TFAP4: variants seen among roughly 807,000 people sequenced by gnomAD.
TFAP4 encodes transcription factor AP-4.
A neutral mutation model predicts 40.4 loss-of-function variants in TFAP4; 7 were observed. That is an observed-to-expected ratio of 0.17 (90% CI 0.10 to 0.33). The LOEUF (loss-of-function observed/expected upper bound fraction) is 0.33, where lower values mean the gene tolerates loss of function less well. Among genes scored for constraint, TFAP4 ranks in the 10% least tolerant of loss-of-function variants. The probability of loss-of-function intolerance (pLI) is 1.00; values close to 1 mark genes in which losing one functional copy is unlikely to be tolerated. For synonymous variants in TFAP4, 218 were observed against 181.4 expected (o/e 1.20, Z -1.62); for missense variants, 374 against 451.1 (o/e 0.83, Z 1.55).
rs149455776 is a variant in TFAP4 at position 4,271,501 on chromosome 16, A to G, written c.89+1157T>C. On this transcript the variant is annotated intron_variant, in intron 1 of 6. Transcript: ENST00000204517. ...TTCAAAATGCAGATGTCCGGGCCCC[A>G]GCGATCAGAGTTCCAGGCATGTGCA... is the stretch of plus-strand genomic sequence containing the variant. 1.7e-4 allele frequency among the ~76,000 whole-genome samples: 26 copies of G among 152,340 alleles called. No homozygotes were observed. The East Asian group carries it at 5.0e-3, about 29-fold the overall frequency.
chr16:4,260,378 G>A, intron 5 of TFAP4, 77 bp downstream of exon 5: 1 of 1,514,618 alleles, frequency 6.6e-7, no homozygotes, highest in Non-Finnish European at 8.8e-7. Flanking sequence ...CGTGGCCTAG[G>A]GAGAGGCTTC....
chr16:4,262,723 G>C, intron 1 of TFAP4, 22 bp from the exon 2 acceptor site: 1 of 1,603,468 alleles, frequency 6.2e-7, no homozygotes, highest in African/African-American at 1.3e-5. Flanking sequence ...GACAGGGACA[G>C]GCTCGGCCAA....
chr16:4,258,366 C>G (rs1289885795), intron 6 of TFAP4, 117 bp from the exon 7 acceptor site: 1 of 1,057,350 alleles, frequency 9.5e-7, no homozygotes, highest in Non-Finnish European at 1.4e-6. Context: ...AGAAAAAAGC[C>G]TGGCAAAGCA....
chr16:4,258,429 T>C (rs2052917100), intron 6 of TFAP4, 180 bp from the exon 7 acceptor site: 1 of 579,898 alleles, frequency 1.7e-6, no homozygotes, highest in Admixed American at 3.4e-5. Context: ...TACTTTTTTT[T>C]TGGAGACAAG....
At chr16:4,270,436 G>A (rs949470220) in intron 1 of TFAP4, among the ~76,000 whole-genome samples, 3 of 152,184 alleles carry the variant, frequency 2.0e-5, no homozygotes, top group Admixed American at 6.6e-5. Context: ...AGAAGCAAAT[G>A]CATCTGGCCA....
rs766852828 is a variant in TFAP4 at position 4,258,106 on chromosome 16, G to T, written c.966C>A (p.Asp322Glu). ...TASDSEASDSDAMDQSREEPS... is the reference protein window; with the variant it reads ...TASDSEASDSEAMDQSREEPS... Reference sequence around the variant, plus strand: ...GCTCCTCCCGGCTCTGGTCCATGGCGTCACTGTCTGAGGCCTCGGAGTCGG... The same window carrying T: ...GCTCCTCCCGGCTCTGGTCCATGGCTTCACTGTCTGAGGCCTCGGAGTCGG... Residue 322 changes from aspartate (D) to glutamate (E), a missense_variant, in exon 7 of 7, where the codon GAC becomes GAA. Asp to Glu is a conservative substitution (Grantham distance 45). Transcript: ENST00000204517. 1 of 1,613,656 alleles carries T rather than the reference G, an allele frequency of 6.2e-7. No homozygotes were observed. The highest frequency in any genetic ancestry group is 8.5e-7 in the Non-Finnish European group (1 of 1,179,896).
intron 1 of TFAP4, among the ~76,000 whole-genome samples, chr16:4,271,994 A>G (rs2053044101): frequency 6.6e-6 from 1 of 151,864 alleles, no homozygotes; most frequent in Non-Finnish European, 1.5e-5. Context: ...CCTCGCTAGT[A>G]AACAGCGCCC....
chr16:4,262,618 C>T lies in TFAP4; in HGVS notation c.173G>A (p.Arg58Gln), dbSNP rs755945532. 6.2e-7 allele frequency: 1 copy of T among 1,611,906 alleles called. No homozygotes were observed. The change falls in exon 2 of 7, where the codon CGG (arginine) becomes CAG (glutamine). Residue 58 changes from arginine to glutamine, a missense_variant. This residue lies in a region of TFAP4 where 9 missense variants were observed against 38.6 expected (regional missense o/e 0.23). Transcript: ENST00000204517. ...IRREIANSNE[R>Q]RRMQSINAGF... ...CGCGTTGATGCTCTGCATGCGTCTC[C>T]GCTCGTTGCTGTTGGCGATCTCCCG...
At position 4,260,614 on chromosome 16, in the gene TFAP4, G is replaced by A. The variant is rs2052939136; in HGVS notation, c.526-19C>T. ...AGCGCACCTGGAGGCAGGACAACCT[G>A]GGCTCAGGGCCAAGGCCGGGAGCAC... On this transcript the variant is annotated intron_variant, in intron 4 of 6. Coordinates refer to ENST00000204517, the MANE Select transcript of TFAP4 (RefSeq NM_003223.3). 1.3e-6 allele frequency: 2 copies of A among 1,574,774 alleles called. No individual in the cohort carries two copies. The highest frequency in any genetic ancestry group is 2.3e-5 in the East Asian group (1 of 44,180).
chr16:4,261,908 G>A lies in TFAP4; in HGVS notation c.396C>T (p.Asp132=). 5 of 1,612,790 alleles carry A rather than the reference G, an allele frequency of 3.1e-6. No individual in the cohort carries two copies. Among genetic ancestry groups the A allele is most frequent in the Non-Finnish European group, 4.2e-6 (5 of 1,179,668 alleles). ...CCGGGGAGCCTATGCCTTCGTCCTT[G>A]TCCTCTGCCCGCCGTCGCTTGGGGG... ...GSSPKRRRAE[D]KDEGIGSPDI... The change falls in exon 4 of 7, where the codon GAC becomes GAT. Residue 132 remains aspartate (D), a synonymous_variant. Coordinates refer to ENST00000204517, the MANE Select transcript of TFAP4 (RefSeq NM_003223.3).
intron 6 of TFAP4, 63 bp from the exon 7 acceptor site, chr16:4,258,312 G>A: frequency 6.8e-7 from 1 of 1,471,080 alleles, no homozygotes; most frequent in Non-Finnish European, 9.1e-7. Context: ...AGGAGACAGT[G>A]GGGGCTCTCA....
chr16:4,271,583 T>C (rs2053041019), intron 1 of TFAP4, among the ~76,000 whole-genome samples: 1 of 152,206 alleles, frequency 6.6e-6, no homozygotes, highest in Non-Finnish European at 1.5e-5. Flanking sequence ...CCATCACCCT[T>C]TGGGTTTAGA....
chr16:4,265,329 C>T (rs1597314138), intron 1 of TFAP4: 1 of 152,192 alleles, frequency 6.6e-6, no homozygotes, highest in African/African-American at 2.4e-5. Flanking sequence ...AAAGAGAAGA[C>T]TAGGCCGGGC....
Position 4,258,175 on chromosome 16 carries a change from C to G in TFAP4, c.897G>C (p.Lys299Asn). ...EEEQRRAVIV[K>N]PVRSCPEAPT... The stretch of plus-strand genomic sequence containing the variant: ...GGGCCTCCGGGCAGCTGCGGACAGG[C>G]TTCACGATGACAGCTCGCCGCTGCT... The change falls in exon 7 of 7, where the codon AAG becomes AAC. Residue 299 changes from lysine (K) to asparagine (N), a missense_variant. Lys to Asn is a moderately conservative substitution (Grantham distance 94). This residue lies in a region of TFAP4 where 93 missense variants were observed against 79.2 expected (regional missense o/e 1.17). Coordinates refer to ENST00000204517, the MANE Select transcript of TFAP4 (RefSeq NM_003223.3). 6.2e-7 allele frequency: 1 copy of G among 1,613,914 alleles called. No homozygotes were observed. Among genetic ancestry groups the G allele is most frequent in the Non-Finnish European group, 8.5e-7 (1 of 1,179,908 alleles).
At chr16:4,265,744 G>A (rs1025539170) in intron 1 of TFAP4, 4 of 151,988 alleles carry the variant, frequency 2.6e-5, no homozygotes, top group Non-Finnish European at 4.4e-5. Flanking sequence ...TGGGGTGGCC[G>A]AGATTACAGT....
chr16:4,266,279 T>A (rs78187005), intron 1 of TFAP4: 6,431 of 152,234 alleles, frequency 0.042, 208 homozygotes, highest in Non-Finnish European at 0.065. Context: ...CCTGCCTCCT[T>A]CCTCTCCAAA....
intron 4 of TFAP4, among the ~76,000 whole-genome samples, chr16:4,260,970 T>G (rs990298879): frequency 2.6e-5 from 4 of 152,296 alleles, no homozygotes; most frequent in Non-Finnish European, 5.9e-5. Context: ...TTTTTGTTTT[T>G]GTTTTTTGGT....
At chr16:4,272,237 G>A (rs2053045989) in intron 1 of TFAP4, among the ~76,000 whole-genome samples, 1 of 151,910 alleles carries the variant, frequency 6.6e-6, no homozygotes. Flanking sequence ...ACCCCCACGC[G>A]CGCCCCGGGC....
At chr16:4,266,222 C>T (rs997166402) in intron 1 of TFAP4, 1 of 152,336 alleles carries the variant, frequency 6.6e-6, no homozygotes, top group African/African-American at 2.4e-5. Context: ...TGTGTCGCCT[C>T]CTCCTCTGCA....
Sources: allele counts gnomAD v4.1 joint callset (sites outside exome capture counted in the v4.1 genomes callset), GRCh38; gene constraint gnomAD v4.1.1; regional missense constraint gnomAD v4.1.1; transcripts MANE v1.5; gene names NCBI Gene and HGNC (gene_info 2026-07-23, HGNC 2026-07-21).